NRDC: variants seen among roughly 807,000 people sequenced by gnomAD.
The protein encoded by NRDC is nardilysin convertase, also known as nardilysin.
NRDC carries 54 observed loss-of-function variants against 147.1 expected under a neutral mutation model. The observed-to-expected ratio is 0.37, with a 90% CI of 0.29 to 0.46. NRDC has a LOEUF of 0.46. NRDC is among the 20% of genes least tolerant of loss of function. NRDC has a pLI of 1.00. For synonymous variants in NRDC, 440 were observed against 482.1 expected (o/e 0.91, Z 1.14); for missense variants, 1,082 against 1,370.6 (o/e 0.79, Z 3.33).
At chr1:51,875,386 G>A (rs1354494877) in intron 1 of NRDC, among the ~76,000 whole-genome samples, 1 of 152,112 alleles carries the variant, frequency 6.6e-6, no homozygotes, top group Non-Finnish European at 1.5e-5. Context: ...CAATGACTTG[G>A]CAAAAGCCAT....
chr1:51,876,367 C>A (rs2124158423), intron 1 of NRDC, among the ~76,000 whole-genome samples: 1 of 152,160 alleles, frequency 6.6e-6, no homozygotes, highest in East Asian at 1.9e-4. Flanking sequence ...AATGAGGTAT[C>A]TTGGGGATGG....
At chr1:51,855,427 T>A (rs1682186444) in intron 1 of NRDC, among the ~76,000 whole-genome samples, 1 of 151,816 alleles carries the variant, frequency 6.6e-6, no homozygotes, top group Admixed American at 6.6e-5. Context: ...AAAAAAAAAT[T>A]GGTATAATAT....
intron 17 of NRDC, among the ~76,000 whole-genome samples, chr1:51,809,018 T>C (rs76194860): frequency 1.8e-4 from 28 of 152,212 alleles, no homozygotes; most frequent in South Asian, 6.2e-4. Context: ...CCTAAGGAGA[T>C]TGGTATGAAA....
chr1:51,794,910 G>A, intron 22 of NRDC, 56 bp from the exon 23 acceptor site: 1 of 1,607,898 alleles, frequency 6.2e-7, no homozygotes, highest in Non-Finnish European at 8.5e-7. Flanking sequence ...ATTTCACCCA[G>A]AATCAGCTAA....
At chr1:51,841,584 G>C (rs188258928) in intron 1 of NRDC, among the ~76,000 whole-genome samples, 2 of 152,156 alleles carry the variant, frequency 1.3e-5, no homozygotes, top group African/African-American at 4.8e-5. Flanking sequence ...TGGGACTACA[G>C]GCATAAGCCA....
intron 7 of NRDC, among the ~76,000 whole-genome samples, chr1:51,822,307 GATGTTTGACTCTTAAATGGTATAATTA>G (rs1680246617): frequency 2.6e-5 from 4 of 152,166 alleles, no homozygotes; most frequent in Admixed American, 6.5e-5. Flanking sequence ...TATTTATATA[GATGTTTGACTCTTAAATGGTATAATTA>G]ATGCTAAAAA....
intron 10 of NRDC, among the ~76,000 whole-genome samples, chr1:51,816,917 C>T (rs1679994248): frequency 6.6e-6 from 1 of 152,116 alleles, no homozygotes; most frequent in Non-Finnish European, 1.5e-5. Flanking sequence ...ACTACTTACT[C>T]ACAGAGTTTT....
chr1:51,805,644 T>TA (rs1679429954), intron 18 of NRDC, 83 bp from the exon 19 acceptor site: 6 of 806,228 alleles, frequency 7.4e-6, no homozygotes, highest in South Asian at 3.5e-5. Context: ...AATATATATA[T>TA]TTTTTAAATT....
chr1:51,853,843 T>C (rs2124018900), intron 1 of NRDC, among the ~76,000 whole-genome samples: 1 of 152,330 alleles, frequency 6.6e-6, no homozygotes. Flanking sequence ...TCCCTGACTG[T>C]CCCTAAGGAC....
intron 1 of NRDC, chr1:51,862,372 A>T (rs1682585450): frequency 6.6e-6 from 1 of 151,696 alleles, no homozygotes; most frequent in African/African-American, 2.4e-5. Context: ...GTGAGCTATG[A>T]TGGCACCACT....
At chr1:51,871,515 TAAAAAAAAAAAAAAAAA>T (rs60495773) in intron 1 of NRDC, among the ~76,000 whole-genome samples, 1 of 21,018 alleles carries the variant, frequency 4.8e-5, no homozygotes, top group Admixed American at 8.1e-4. Context: ...ACTGGTTCAT[TAAAAAAAAAAAAAAAAA>T]AAAAAAAAAA....
At chr1:51,851,259 A>C (rs1204206617) in intron 1 of NRDC, among the ~76,000 whole-genome samples, 1 of 152,096 alleles carries the variant, frequency 6.6e-6, no homozygotes, top group African/African-American at 2.4e-5. Context: ...TTGCTTCAGC[A>C]AGGTATTGGG....
chr1:51,812,710 A>C (rs1679783591), intron 14 of NRDC, among the ~76,000 whole-genome samples: 1 of 152,158 alleles, frequency 6.6e-6, no homozygotes, highest in African/African-American at 2.4e-5. Flanking sequence ...AGTGCCCCAC[A>C]TGATTATGTG....
At chr1:51,800,001 GTCTA>G (rs1679116667) in intron 21 of NRDC, among the ~76,000 whole-genome samples, 1 of 152,098 alleles carries the variant, frequency 6.6e-6, no homozygotes, top group South Asian at 2.1e-4. Flanking sequence ...ATGAGACAGG[GTCTA>G]TCTCTGTCAT....
intron 1 of NRDC, among the ~76,000 whole-genome samples, chr1:51,845,615 A>T (rs143307482): frequency 6.6e-6 from 1 of 152,132 alleles, no homozygotes; most frequent in Admixed American, 6.5e-5. Flanking sequence ...AGAAAAGAAA[A>T]GAAATGTCCC....
At chr1:51,838,058 AC>A (rs1193616499) in intron 2 of NRDC, among the ~76,000 whole-genome samples, 3 of 152,146 alleles carry the variant, frequency 2.0e-5, no homozygotes, top group Non-Finnish European at 4.4e-5. Context: ...AACATTTACC[AC>A]TTACGATCGT....
chr1:51,794,953 A>G (rs1678828524), intron 22 of NRDC, 99 bp from the exon 23 acceptor site: 2 of 1,581,966 alleles, frequency 1.3e-6, no homozygotes, highest in South Asian at 2.3e-5. Flanking sequence ...GGAGCCCTGC[A>G]TAGCTTTAGG....
chr1:51,878,131 T>C, intron 1 of NRDC, 144 bp downstream of exon 1: 1 of 1,420,290 alleles, frequency 7.0e-7, no homozygotes, highest in Admixed American at 2.8e-5. Flanking sequence ...CTAATCACGC[T>C]TGCCACCTCC....
At chr1:51,816,698 T>C (rs543855352) in intron 10 of NRDC, among the ~76,000 whole-genome samples, 1 of 152,310 alleles carries the variant, frequency 6.6e-6, no homozygotes, top group Non-Finnish European at 1.5e-5. Context: ...CAATATGAAA[T>C]GTAGATTCCT....
Sources: allele counts gnomAD v4.1 joint callset (sites outside exome capture counted in the v4.1 genomes callset), GRCh38; gene constraint gnomAD v4.1.1; transcripts MANE v1.5; gene names NCBI Gene and HGNC (gene_info 2026-07-23, HGNC 2026-07-21).